The following MORC3 variants were observed in gnomAD, a reference collection of about 807,000 sequenced individuals.
MORC3 encodes the protein MORC family CW-type zinc finger protein 3.
MORC3 carries 31 observed loss-of-function variants against 109.1 expected under a neutral mutation model. The observed-to-expected ratio is 0.28, with a 90% CI of 0.21 to 0.38. The LOEUF is 0.38. MORC3 is among the 10% of genes least tolerant of loss of function. The probability of loss-of-function intolerance (pLI) is 1.00; values close to 1 mark genes in which losing one functional copy is unlikely to be tolerated. For missense variants in MORC3, 867 were observed against 1,135.8 expected (o/e 0.76, Z 3.40); for synonymous variants, 395 against 380.7 (o/e 1.04, Z -0.44).
chr21:36,371,850 G>T (rs930209561), intron 15 of MORC3, among the ~76,000 whole-genome samples: 1 of 139,824 alleles, frequency 7.2e-6, no homozygotes, highest in Non-Finnish European at 1.5e-5. Flanking sequence ...CTTCGCTCTT[G>T]TTGCCCAGGC....
intron 3 of MORC3, 36 bp downstream of exon 3, chr21:36,337,042 G>T: frequency 1.9e-6 from 3 of 1,593,052 alleles, no homozygotes; most frequent in African/African-American, 1.4e-5. Flanking sequence ...TAAAATTGTT[G>T]CTTTTACCTA....
intron 8 of MORC3, among the ~76,000 whole-genome samples, chr21:36,348,885 C>T (rs998062649): frequency 1.3e-5 from 2 of 151,972 alleles, no homozygotes; most frequent in African/African-American, 4.8e-5. Flanking sequence ...ATTGGCCGGA[C>T]GCGGTGGCTC....
chr21:36,338,672 A>T, intron 4 of MORC3, 102 bp from the exon 5 acceptor site: 2 of 1,157,128 alleles, frequency 1.7e-6, no homozygotes, highest in Non-Finnish European at 1.2e-6. Flanking sequence ...TTAGAAAATT[A>T]TTTATAAATA....
chr21:36,331,760 A>T (rs975379917), intron 1 of MORC3, among the ~76,000 whole-genome samples: 24 of 152,206 alleles, frequency 1.6e-4, no homozygotes, highest in African/African-American at 5.3e-4. Flanking sequence ...AAGCCTTGGG[A>T]ATTAAGATGC....
chr21:36,326,216 A>G lies in MORC3; in HGVS notation c.39+5913A>G, dbSNP rs150304805. Among the ~76,000 whole-genome samples the G allele has an allele frequency of 2.1e-3, 316 of 151,492 alleles. 1 individual carries two copies. The highest frequency in any genetic ancestry group is 7.4e-3 in the African/African-American group (305 of 41,288). ...GAGTGAAACTTATTCTCAAACAAAA[A>G]AAATAGAATAAATTATTGTTAATTT... On this transcript the variant is annotated intron_variant, in intron 1 of 16. Transcript: ENST00000400485.
chr21:36,342,919 T>C (rs1207744173), intron 6 of MORC3, among the ~76,000 whole-genome samples: 5 of 150,862 alleles, frequency 3.3e-5, no homozygotes, highest in African/African-American at 4.9e-5. Context: ...CTTGGGAGGC[T>C]GAGGCAGGAG....
Position 36,353,654 on chromosome 21 carries a change from A to G in MORC3, c.1104-2966A>G, listed in dbSNP as rs1266457757. ...GAGTGCAGTGGTGCAATCTCAGCTC[A>G]TTGCAACCTCCGCCTCCTGGGTTCA... On this transcript the variant is annotated intron_variant, in intron 9 of 16. Coordinates refer to ENST00000400485, the MANE Select transcript of MORC3 (RefSeq NM_015358.3). Among the ~76,000 whole-genome samples, 4 of 150,042 alleles carry G rather than the reference A, an allele frequency of 2.7e-5. No homozygotes were observed. The East Asian group carries it at 8.0e-4, about 30-fold the overall frequency.
chr21:36,338,987 A>G, intron 5 of MORC3, 66 bp downstream of exon 5: 1 of 1,539,650 alleles, frequency 6.5e-7, no homozygotes, highest in Non-Finnish European at 8.9e-7. Flanking sequence ...GTGGTGTTAT[A>G]TTCATCTCTC....
chr21:36,355,110 C>T (rs2085631104), intron 9 of MORC3, among the ~76,000 whole-genome samples: 1 of 152,152 alleles, frequency 6.6e-6, no homozygotes. Flanking sequence ...ATGATGTTTT[C>T]TCTGTCAGAA....
chr21:36,328,361 A>G (rs1195148434), intron 1 of MORC3, among the ~76,000 whole-genome samples: 1 of 70,246 alleles, frequency 1.4e-5, no homozygotes, highest in Admixed American at 1.8e-4. Context: ...TTTTTTTTTT[A>G]ACCACACCTT....
intron 5 of MORC3, among the ~76,000 whole-genome samples, chr21:36,339,909 C>G (rs996478020): frequency 1.3e-5 from 2 of 152,128 alleles, no homozygotes; most frequent in African/African-American, 4.8e-5. Context: ...ATTGTAGATT[C>G]ATGTGTAGTT....
chr21:36,348,980 C>T (rs979812578), intron 8 of MORC3, among the ~76,000 whole-genome samples: 3 of 151,806 alleles, frequency 2.0e-5, no homozygotes, highest in East Asian at 1.9e-4. Context: ...GGTGAAACCC[C>T]GTCTCTGCTA....
intron 9 of MORC3, among the ~76,000 whole-genome samples, chr21:36,353,821 C>T (rs1178972976): frequency 7.8e-6 from 1 of 128,212 alleles, no homozygotes; most frequent in Admixed American, 9.1e-5. Context: ...TGGTCTCTAA[C>T]TCCTGACCTC....
At chr21:36,329,635 A>G (rs1288600091) in intron 1 of MORC3, among the ~76,000 whole-genome samples, 1 of 152,182 alleles carries the variant, frequency 6.6e-6, no homozygotes, top group Non-Finnish European at 1.5e-5. Flanking sequence ...CACTCTTAAC[A>G]TTTAATCTGA....
chr21:36,352,061 C>T (rs2085579073), intron 9 of MORC3, among the ~76,000 whole-genome samples: 1 of 152,078 alleles, frequency 6.6e-6, no homozygotes, highest in African/African-American at 2.4e-5. Flanking sequence ...AGAATAATAA[C>T]ATTAAAACCA....
intron 1 of MORC3, among the ~76,000 whole-genome samples, chr21:36,321,107 T>C (rs1315420324): frequency 6.6e-6 from 1 of 152,216 alleles, no homozygotes; most frequent in Non-Finnish European, 1.5e-5. Flanking sequence ...TGCCAAAGAA[T>C]GACTGCCCTA....
At chr21:36,344,325 T>C (rs556268428) in intron 6 of MORC3, among the ~76,000 whole-genome samples, 11 of 152,326 alleles carry the variant, frequency 7.2e-5, no homozygotes, top group Non-Finnish European at 1.6e-4. Flanking sequence ...CTTTTTCACT[T>C]AGTAATAAAT....
intron 1 of MORC3, among the ~76,000 whole-genome samples, chr21:36,323,905 C>T (rs1285153037): frequency 8.0e-5 from 12 of 150,712 alleles, no homozygotes; most frequent in African/African-American, 9.8e-5. Context: ...GACGGAGTTT[C>T]GCTCTTGTTG....
At chr21:36,356,580 G>C in intron 9 of MORC3, 40 bp from the exon 10 acceptor site, 5 of 1,328,534 alleles carry the variant, frequency 3.8e-6, no homozygotes, top group Non-Finnish European at 5.1e-6. Context: ...ATTTATGTTT[G>C]AAAAGAATTT....
Sources: gnomAD v4.1 joint callset for allele counts (sites outside exome capture counted in the v4.1 genomes callset) on GRCh38, gnomAD v4.1.1 for gene constraint, MANE v1.5 for transcripts, NCBI Gene and HGNC (gene_info 2026-07-23, HGNC 2026-07-21) for gene names.